The following PARD6B variants were observed in gnomAD, a reference collection of about 807,000 sequenced individuals.
PARD6B encodes par-6 family cell polarity regulator beta, also known as partitioning defective 6 homolog beta.
Under a neutral mutation model 10.5 loss-of-function variants are expected in PARD6B, and 4 were observed. The ratio of observed to expected loss-of-function variants is 0.38; its 90% confidence interval spans 0.19 to 0.87. The LOEUF (loss-of-function observed/expected upper bound fraction) is 0.87, where lower values mean the gene tolerates loss of function less well. Among genes scored for constraint, PARD6B ranks in the 40% least tolerant of loss-of-function variants. The pLI, the probability that PARD6B is intolerant of heterozygous loss-of-function variation, is 0.41. For synonymous variants in PARD6B, 169 were observed against 170.4 expected (o/e 0.99, Z 0.07); for missense variants, 396 against 470.6 (o/e 0.84, Z 1.47).
chr20:50,751,562 G>A lies in PARD6B; in HGVS notation c.*1074G>A, dbSNP rs1386027405. On this transcript the variant is annotated 3_prime_UTR_variant, in exon 3 of 3. Transcript: ENST00000371610. ...GGGGTTTCGCAGTGTTAGCCAGGAAGGTCTCAATCTCCTGACCTCCTGATC... is the reference window on the plus strand; with the variant it reads ...GGGGTTTCGCAGTGTTAGCCAGGAAAGTCTCAATCTCCTGACCTCCTGATC... 20 of 913,538 alleles carry A rather than the reference G, an allele frequency of 2.2e-5. No homozygotes were observed. Among genetic ancestry groups the A allele is most frequent in the South Asian group, 5.0e-5 (1 of 19,858 alleles). The allele number at this position is 913,538 out of a possible 1,614,324, so 56.6% of individuals were successfully genotyped here.
chr20:50,750,626 A>G lies in PARD6B; in HGVS notation c.*138A>G. 1 of 1,420,832 alleles carries G rather than the reference A, an allele frequency of 7.0e-7. No individual in the cohort carries two copies. The highest frequency in any genetic ancestry group is 1.6e-5 in the South Asian group (1 of 63,196). 88.0% of individuals were successfully genotyped at this position (1,420,832 alleles called of 1,614,324 possible). ...AACGTTGCAAGCTTACAATATTATTAAAGTAGTAGTTTGATAATTGTTAAT... is the reference window on the plus strand; with the variant it reads ...AACGTTGCAAGCTTACAATATTATTGAAGTAGTAGTTTGATAATTGTTAAT... On this transcript the variant is annotated 3_prime_UTR_variant, in exon 3 of 3. Transcript: ENST00000371610.
In PARD6B at chr20:50,731,822, C is replaced by T. The variant is rs1396925294; in HGVS notation, c.36C>T (p.Gly12=). 4 of 1,463,940 alleles carry T rather than the reference C, an allele frequency of 2.7e-6. No homozygotes were observed. Among genetic ancestry groups the T allele is most frequent in the Admixed American group, 2.5e-5 (1 of 40,718 alleles). The allele number at this position is 1,463,940 out of a possible 1,614,324, so 90.7% of individuals were successfully genotyped here. A position where few individuals can be genotyped will look rare whatever the true frequency, so the allele number is the denominator to read the frequency against. The change falls in exon 1 of 3, where the codon GGC becomes GGT. Residue 12 remains glycine (G), a synonymous_variant. Transcript: ENST00000371610. ...GCCACCGGCACGGGGCGGGCAGCGG[C>T]TGCCTGGGCACTATGGAGGTGAAGA... ...NRSHRHGAGS[G]CLGTMEVKSK... is the part of the protein sequence containing the mutation.
chr20:50,738,367 G>A (rs370849980), intron 2 of PARD6B, among the ~76,000 whole-genome samples: 1 of 152,130 alleles, frequency 6.6e-6, no homozygotes, highest in South Asian at 2.1e-4. Context: ...TGAATATTGG[G>A]AATTTATTGA....
Position 50,749,916 on chromosome 20 carries a change from C to T in PARD6B, c.547C>T (p.Pro183Ser). 6.2e-7 allele frequency: 1 copy of T among 1,614,210 alleles called. No homozygotes were observed. Among genetic ancestry groups the T allele is most frequent in the Non-Finnish European group, 8.5e-7 (1 of 1,180,044 alleles). Residue 183 changes from proline (P) to serine (S), a missense_variant, in exon 3 of 3, where the codon CCA becomes TCA. By Grantham distance (74) the Pro-to-Ser change is moderately conservative. Around this residue, in one of 2 missense-constraint regions of PARD6B, gnomAD observed 208 missense variants for 300.9 expected, o/e 0.69. Transcript: ENST00000371610. ...IRDGSSVRVT[P>S]HGLEKVPGIF... is the part of the protein sequence containing the mutation. ...GGATGGCTCCAGTGTCAGGGTAACA[C>T]CACATGGCTTAGAAAAGGTTCCAGG...
Position 50,743,745 on chromosome 20 carries a change from C to T in PARD6B, c.289+5666C>T, listed in dbSNP as rs191894858. Among the ~76,000 whole-genome samples the T allele has an allele frequency of 5.0e-4, 76 of 151,978 alleles. No individual in the cohort carries two copies. In the Middle Eastern group the frequency reaches 0.01, roughly 20 times the overall value. ...CTACTAAAAATACAAAAAAATTAGC[C>T]GGGCTTGGTGGTGGGCGCCTGTAGT... On this transcript the variant is annotated intron_variant, in intron 2 of 2. Transcript: ENST00000371610.
chr20:50,745,293 G>T (rs1450162687), intron 2 of PARD6B, among the ~76,000 whole-genome samples: 9 of 151,922 alleles, frequency 5.9e-5, no homozygotes, highest in African/African-American at 2.2e-4. Flanking sequence ...GCATGGTGGT[G>T]CATGCTTGTA....
intron 2 of PARD6B, among the ~76,000 whole-genome samples, chr20:50,744,439 C>T (rs79038245): frequency 1.3e-5 from 2 of 152,072 alleles, no homozygotes; most frequent in Non-Finnish European, 2.9e-5. Flanking sequence ...TTGTCCTCCC[C>T]CTCCACGTCC....
Position 50,750,210 on chromosome 20 carries a change from G to A in PARD6B, c.841G>A (p.Glu281Lys), listed in dbSNP as rs142389338. The change falls in exon 3 of 3, where the codon GAA becomes AAA. Residue 281 changes from glutamate to lysine, a missense_variant. This residue lies in a region of PARD6B where 188 missense variants were observed against 169.7 expected (regional missense o/e 1.11). Transcript: ENST00000371610. Reference protein sequence around the residue: ...NSLLGYPQQIEPSFEPEDEDS... With the variant: ...NSLLGYPQQIKPSFEPEDEDS... ...CCTTCTTGGCTACCCACAGCAGATT[G>A]AACCAAGCTTTGAGCCAGAGGATGA... is the stretch of plus-strand genomic sequence containing the variant. 163 of 1,614,054 alleles carry A rather than the reference G, an allele frequency of 1.0e-4. No individual in the cohort carries two copies. The highest frequency in any genetic ancestry group is 2.2e-4 in the South Asian group (20 of 91,072).
At position 50,753,075 on chromosome 20, in the gene PARD6B, CTTT is replaced by C; in HGVS notation, c.*2596_*2598del. On this transcript the variant is annotated 3_prime_UTR_variant, in exon 3 of 3. Transcript: ENST00000371610. ...AAATATTTTTACACACTACCTCTCT[CTTT>C]TTTTTTTTAAAGTTTTAACATCAGA... The C allele has an allele frequency of 1.3e-6, 1 of 751,330 alleles. No homozygotes were observed. The highest frequency in any genetic ancestry group is 2.3e-5 in the African/African-American group (1 of 44,012). The allele number at this position is 751,330 out of a possible 1,614,324, so 46.5% of individuals were successfully genotyped here.
rs2087616526 is a variant in PARD6B, at chr20:50,752,206, ATTG to A, written c.*1721_*1723del. 1 of 985,272 alleles carries A rather than the reference ATTG, an allele frequency of 1.0e-6. No individual in the cohort carries two copies. The highest frequency in any genetic ancestry group is 1.2e-6 in the Non-Finnish European group (1 of 829,792). 61.0% of individuals were successfully genotyped at this position (985,272 alleles called of 1,614,324 possible). A position where few individuals can be genotyped will look rare whatever the true frequency, so the allele number is the denominator to read the frequency against. On this transcript the variant is annotated 3_prime_UTR_variant, in exon 3 of 3. Coordinates refer to ENST00000371610, the MANE Select transcript of PARD6B (RefSeq NM_032521.3). ...AGTCTCATTTGAAATCATTCCTTTT[ATTG>A]TTAGTGTGTGTATTTTTGTTGGTGT...
At chr20:50,734,925 G>A (rs1437853941) in intron 1 of PARD6B, among the ~76,000 whole-genome samples, 5 of 152,154 alleles carry the variant, frequency 3.3e-5, no homozygotes, top group Admixed American at 1.3e-4. Context: ...CAAGGTGGGC[G>A]GATCACCTGA....
intron 2 of PARD6B, among the ~76,000 whole-genome samples, chr20:50,745,883 G>A (rs952595375): frequency 6.6e-6 from 1 of 152,110 alleles, no homozygotes; most frequent in African/African-American, 2.4e-5. Flanking sequence ...GACATTTACT[G>A]TCTGACTCTT....
chr20:50,751,997 A>G lies in PARD6B; in HGVS notation c.*1509A>G. On this transcript the variant is annotated 3_prime_UTR_variant, in exon 3 of 3. Transcript: ENST00000371610. ...TTGCAGGCATGAGCGCCTAGCCAGG[A>G]AGCTATCTTTTCTTGAGTTATGAAA... 1.0e-6 allele frequency: 1 copy of G among 985,364 alleles called. No individual in the cohort carries two copies. The highest frequency in any genetic ancestry group is 1.2e-6 in the Non-Finnish European group (1 of 829,918). The allele number at this position is 985,364 out of a possible 1,614,324, so 61.0% of individuals were successfully genotyped here.
Position 50,751,637 on chromosome 20 carries a change from C to A in PARD6B, c.*1149C>A, listed in dbSNP as rs1002578242. The A allele has an allele frequency of 1.0e-6, 1 of 985,112 alleles. No homozygotes were observed. The highest frequency in any genetic ancestry group is 1.7e-5 in the African/African-American group (1 of 57,258). The allele number at this position is 985,112 out of a possible 1,614,324, so 61.0% of individuals were successfully genotyped here. On this transcript the variant is annotated 3_prime_UTR_variant, in exon 3 of 3. Coordinates refer to ENST00000371610, the MANE Select transcript of PARD6B (RefSeq NM_032521.3). ...CTGGGATTACAGGCGTGAGCCACCGCGCCCAGTTGTGCATTTCTGGTTTCT... is the reference window on the plus strand; with the variant it reads ...CTGGGATTACAGGCGTGAGCCACCGAGCCCAGTTGTGCATTTCTGGTTTCT...
At position 50,749,718 on chromosome 20, in the gene PARD6B, A is replaced by G. The variant is rs2087588948; in HGVS notation, c.349A>G (p.Thr117Ala). The stretch of plus-strand genomic sequence containing the variant: ...GCTAATAAAGAAGAAGAATGTTTTA[A>G]CCAACGTATTGCGTCCTGACAACCA... ...DTLIKKKNVL[T>A]NVLRPDNHRK... The change falls in exon 3 of 3, where the codon ACC becomes GCC. Residue 117 changes from threonine (T) to alanine (A), a missense_variant. Around this residue, in one of 2 missense-constraint regions of PARD6B, gnomAD observed 208 missense variants for 300.9 expected, o/e 0.69. Coordinates refer to ENST00000371610, the MANE Select transcript of PARD6B (RefSeq NM_032521.3). The G allele has an allele frequency of 6.2e-7, 1 of 1,613,380 alleles. No homozygotes were observed. Among genetic ancestry groups the G allele is most frequent in the Non-Finnish European group, 8.5e-7 (1 of 1,179,838 alleles).
intron 1 of PARD6B, among the ~76,000 whole-genome samples, chr20:50,735,994 G>A (rs564252732): frequency 2.8e-4 from 43 of 152,324 alleles, no homozygotes; most frequent in African/African-American, 9.6e-4. Context: ...GGTGTTCCCT[G>A]AGTTTTTATT....
At chr20:50,738,102 A>ACAGTGCTTT (rs768673883) in intron 2 of PARD6B, 23 bp downstream of exon 2, 3 of 1,516,326 alleles carry the variant, frequency 2.0e-6, no homozygotes, top group East Asian at 4.7e-5. Flanking sequence ...GTTTAGAAAA[A>ACAGTGCTTT]TTGTGTTAGA....
At chr20:50,738,106 T>TTTTTGATTTCA (rs776599027) in intron 2 of PARD6B, 27 bp downstream of exon 2, 2 of 1,507,556 alleles carry the variant, frequency 1.3e-6, no homozygotes, top group East Asian at 4.7e-5. Context: ...AGAAAAATTG[T>TTTTTGATTTCA]GTTAGAAATA....
chr20:50,734,986 C>T (rs1301608629), intron 1 of PARD6B, among the ~76,000 whole-genome samples: 2 of 152,116 alleles, frequency 1.3e-5, no homozygotes, highest in Non-Finnish European at 2.9e-5. Context: ...CCTGTATCTA[C>T]TAAAAATATA....
Sources: allele counts gnomAD v4.1 joint callset (sites outside exome capture counted in the v4.1 genomes callset), GRCh38; gene constraint gnomAD v4.1.1; regional missense constraint gnomAD v4.1.1; transcripts MANE v1.5; gene names NCBI Gene and HGNC (gene_info 2026-07-23, HGNC 2026-07-21).